TNIP1: variants seen among roughly 807,000 people sequenced by gnomAD.
The protein encoded by TNIP1 is TNFAIP3 interacting protein 1.
A neutral mutation model predicts 86.6 loss-of-function variants in TNIP1; 22 were observed. That is an observed-to-expected ratio of 0.25 (90% CI 0.18 to 0.36). TNIP1 has a LOEUF of 0.36. TNIP1 is among the 10% of genes least tolerant of loss of function. The probability of loss-of-function intolerance (pLI) is 1.00; values close to 1 mark genes in which losing one functional copy is unlikely to be tolerated. For synonymous variants in TNIP1, 294 were observed against 313.0 expected (o/e 0.94, Z 0.64); for missense variants, 709 against 820.6 (o/e 0.86, Z 1.66).
At chr5:151,069,718 A>G (rs1473138307) in intron 1 of TNIP1, among the ~76,000 whole-genome samples, 1 of 152,076 alleles carries the variant, frequency 6.6e-6, no homozygotes, top group Non-Finnish European at 1.5e-5. Context: ...GGGTATAGGG[A>G]AGGGGTCTCC....
chr5:151,037,785 C>T (rs1757903530), intron 12 of TNIP1, among the ~76,000 whole-genome samples: 1 of 152,182 alleles, frequency 6.6e-6, no homozygotes, highest in Admixed American at 6.5e-5. Context: ...AGAGACCTGG[C>T]CCAACTTGGA....
chr5:151,070,961 C>G (rs1762758343), intron 1 of TNIP1, among the ~76,000 whole-genome samples: 1 of 150,604 alleles, frequency 6.6e-6, no homozygotes, highest in South Asian at 2.1e-4. Context: ...AATGTAGATT[C>G]ATCAACTGTA....
rs750431294 is a variant in TNIP1 at position 151,033,631 on chromosome 5, G to T, written c.1756C>A (p.Pro586Thr). 2.2e-6 allele frequency: 3 copies of T among 1,382,068 alleles called. No individual in the cohort carries two copies. The highest frequency in any genetic ancestry group is 5.4e-5 in the East Asian group (2 of 37,166). The allele number at this position is 1,382,068 out of a possible 1,614,324, so 85.6% of individuals were successfully genotyped here. ...ACCAGATGGAAGAGGCGCGAGTTGG[G>T]GAGTGGGGGCGGGTGCTCCATGGCC... Reference protein sequence around the residue: ...PMAMEHPPPLPNSRLFHLPEY... With the variant: ...PMAMEHPPPLTNSRLFHLPEY... Residue 586 changes from proline (P) to threonine (T), a missense_variant, in exon 16 of 18, where the codon CCC becomes ACC. Pro to Thr is a conservative substitution (Grantham distance 38). Transcript: ENST00000521591.
intron 16 of TNIP1, chr5:151,032,780 G>A (rs1279754144): frequency 9.0e-6 from 2 of 222,498 alleles, no homozygotes; most frequent in Non-Finnish European, 1.8e-5. Flanking sequence ...TGTGGCAGAG[G>A]ACTGGGGAAA....
intron 7 of TNIP1, among the ~76,000 whole-genome samples, chr5:151,050,703 G>T (rs149439460): frequency 7.8e-4 from 119 of 151,920 alleles, no homozygotes; most frequent in Non-Finnish European, 1.4e-3. Context: ...GCCCAATCTC[G>T]GCTCACCACA....
intron 17 of TNIP1, among the ~76,000 whole-genome samples, chr5:151,031,844 G>A (rs1165453576): frequency 1.3e-5 from 2 of 152,134 alleles, no homozygotes; most frequent in African/African-American, 2.4e-5. Flanking sequence ...CCTAGCTAGT[G>A]TCACTCATTC....
chr5:151,078,234 G>A (rs1443793267), intron 1 of TNIP1, among the ~76,000 whole-genome samples: 2 of 152,208 alleles, frequency 1.3e-5, no homozygotes, highest in Non-Finnish European at 2.9e-5. Flanking sequence ...GGAGTCATCA[G>A]GAAATGATGC....
intron 6 of TNIP1, among the ~76,000 whole-genome samples, chr5:151,053,841 C>T (rs1760295677): frequency 6.6e-6 from 1 of 152,186 alleles, no homozygotes; most frequent in Non-Finnish European, 1.5e-5. Flanking sequence ...TCATCACTGG[C>T]GGGGAGTAAA....
rs78947941 is a variant in TNIP1 at position 151,072,670 on chromosome 5, C to A, written c.-36-7539G>T. Among the ~76,000 whole-genome samples the A allele has an allele frequency of 8.3e-4, 126 of 152,300 alleles. 2 individuals are homozygous for A. The highest frequency in any genetic ancestry group is 2.5e-3 in the African/African-American group (102 of 41,550). On this transcript the variant is annotated intron_variant, in intron 1 of 17. Coordinates refer to ENST00000521591, the MANE Select transcript of TNIP1 (RefSeq NM_006058.5). ...ACTGTTCCACATAGGGACTGCCCCC[C>A]CTCCAGTCCCCCACCAACCCTCTAC...
intron 2 of TNIP1, 98 bp from the exon 3 acceptor site, chr5:151,063,845 T>C: frequency 6.7e-7 from 1 of 1,485,308 alleles, no homozygotes; most frequent in Non-Finnish European, 9.1e-7. Context: ...GCCTGGCTTC[T>C]GAGGCTCCAG....
Position 151,064,831 on chromosome 5 carries a change from G to A in TNIP1, c.136+129C>T. On this transcript the variant is annotated intron_variant, in intron 2 of 17. Coordinates refer to ENST00000521591, the MANE Select transcript of TNIP1 (RefSeq NM_006058.5). ...AGCTGTGAGGCAGGAGCCAGCGCTG[G>A]GCCAGGAGGGACAGGGGATGACTTG... 4 of 1,355,006 alleles carry A rather than the reference G, an allele frequency of 3.0e-6. No homozygotes were observed. The South Asian group carries it at 5.1e-5, about 17-fold the overall frequency. 83.9% of individuals were successfully genotyped at this position (1,355,006 alleles called of 1,614,324 possible).
Position 151,056,951 on chromosome 5 carries a change from C to A in TNIP1, c.442G>T (p.Gly148Cys). 1 of 1,513,340 alleles carries A rather than the reference C, an allele frequency of 6.6e-7. No individual in the cohort carries two copies. Among genetic ancestry groups the A allele is most frequent in the South Asian group, 1.2e-5 (1 of 81,012 alleles). The allele number at this position is 1,513,340 out of a possible 1,614,324, so 93.7% of individuals were successfully genotyped here. A position where few individuals can be genotyped will look rare whatever the true frequency, so the allele number is the denominator to read the frequency against. Residue 148 changes from glycine to cysteine, a missense_variant, in exon 6 of 18, where the codon GGC becomes TGC. Transcript: ENST00000521591. ...SSSHANAMAL[G>C]PLPREDGNLM... The stretch of plus-strand genomic sequence containing the variant: ...TTGCCGTCCTCACGGGGCAGGGGGC[C>A]CAGCGCCTGGAGAGGGAAAGGGCAC...
chr5:151,084,076 G>C (rs1052325808), upstream of TNIP1, among the ~76,000 whole-genome samples: 6 of 152,200 alleles, frequency 3.9e-5, no homozygotes, highest in Admixed American at 6.5e-5. Context: ...ACACTCTTAA[G>C]CATCATGCTC....
At chr5:151,056,991 A>C in intron 5 of TNIP1, 34 bp from the exon 6 acceptor site, 1 of 1,395,686 alleles carries the variant, frequency 7.2e-7, no homozygotes, top group Non-Finnish European at 9.3e-7. Context: ...CCCACTCTTC[A>C]CCAAGGCCTG....
upstream of TNIP1, chr5:151,081,051 G>C (rs927890621): frequency 6.6e-6 from 1 of 152,028 alleles, no homozygotes; most frequent in African/African-American, 2.4e-5. Context: ...GGCCTGGCCG[G>C]GCCGCCCCAC....
At chr5:151,035,834 G>A in intron 13 of TNIP1, 127 bp from the exon 14 acceptor site, 1 of 1,213,570 alleles carries the variant, frequency 8.2e-7, no homozygotes, top group South Asian at 1.4e-5. Context: ...CATGGGGAGT[G>A]GGACAGCTAC....
intron 1 of TNIP1, among the ~76,000 whole-genome samples, chr5:151,071,910 A>G (rs1404697700): frequency 1.3e-5 from 2 of 152,210 alleles, no homozygotes; most frequent in Non-Finnish European, 2.9e-5. Flanking sequence ...CACCTAACTA[A>G]GCTGGAGAGA....
Position 151,066,524 on chromosome 5 carries a change from T to C in TNIP1, c.-36-1393A>G, listed in dbSNP as rs545147165. 5.3e-5 allele frequency among the ~76,000 whole-genome samples: 8 copies of C among 152,308 alleles called. No individual in the cohort carries two copies. The East Asian group carries it at 1.4e-3, about 26-fold the overall frequency. Reference sequence around the variant, plus strand: ...TGGGTCCTTGGCGCTGCCAGGTGACTACGACCATACCACCCTGCTCCCAGA... The same window carrying C: ...TGGGTCCTTGGCGCTGCCAGGTGACCACGACCATACCACCCTGCTCCCAGA... On this transcript the variant is annotated intron_variant, in intron 1 of 17. Transcript: ENST00000521591.
In TNIP1 at chr5:151,032,355, C is replaced by T; in HGVS notation, c.1808G>A (p.Gly603Glu). Residue 603 changes from glycine (G) to glutamate (E), a missense_variant, in exon 17 of 18, where the codon GGA becomes GAA. Gly to Glu is a moderately conservative substitution (Grantham distance 98, BLOSUM62 -2). Coordinates refer to ENST00000521591, the MANE Select transcript of TNIP1 (RefSeq NM_006058.5). ...GCTCTGATTTGGATTTCGAACCCCTCCACAGGGTAGACGCCAGGTGTATTC... is the reference window on the plus strand; with the variant it reads ...GCTCTGATTTGGATTTCGAACCCCTTCACAGGGTAGACGCCAGGTGTATTC... Reference protein sequence around the residue: ...LPEYTWRLPCGGVRNPNQSSQ... With the variant: ...LPEYTWRLPCEGVRNPNQSSQ... 1 of 1,614,140 alleles carries T rather than the reference C, an allele frequency of 6.2e-7. No homozygotes were observed. Among genetic ancestry groups the T allele is most frequent in the Non-Finnish European group, 8.5e-7 (1 of 1,180,018 alleles).
Sources: allele counts gnomAD v4.1 joint callset (sites outside exome capture counted in the v4.1 genomes callset), GRCh38; gene constraint gnomAD v4.1.1; transcripts MANE v1.5; gene names NCBI Gene and HGNC (gene_info 2026-07-23, HGNC 2026-07-21).